GRXCR1: variants seen among roughly 807,000 people sequenced by gnomAD.
GRXCR1 encodes the protein glutaredoxin domain-containing cysteine-rich protein 1.
A neutral mutation model predicts 27.3 loss-of-function variants in GRXCR1; 27 were observed. The observed-to-expected ratio is 0.99, with a 90% CI of 0.73 to 1.37. The LOEUF is 1.37. GRXCR1 is among the 40% of genes most tolerant of loss of function. The pLI, the probability that GRXCR1 is intolerant of heterozygous loss-of-function variation, is 0.00. For missense variants in GRXCR1, 379 were observed against 354.4 expected (o/e 1.07, Z -0.56); for synonymous variants, 122 against 131.1 (o/e 0.93, Z 0.47).
In GRXCR1 at chr4:43,014,447, G is replaced by T. The variant is rs150492482; in HGVS notation, c.628-5907G>T. ...GCAGGCATCATGCTAGGTGCGGGTC[G>T]AACTCCTTCAATGCCAGCCCTGCCA... is the stretch of plus-strand genomic sequence containing the variant. On this transcript the variant is annotated intron_variant, in intron 2 of 3. Coordinates refer to ENST00000399770, the MANE Select transcript of GRXCR1 (RefSeq NM_001080476.3). Among the ~76,000 whole-genome samples, 10 of 152,132 alleles carry T rather than the reference G, an allele frequency of 6.6e-5. No homozygotes were observed. In the South Asian group the frequency reaches 2.1e-3, roughly 32 times the overall value.
chr4:42,941,315 A>G (rs1183614040), intron 1 of GRXCR1, among the ~76,000 whole-genome samples: 2 of 152,072 alleles, frequency 1.3e-5, no homozygotes, highest in East Asian at 3.9e-4. Context: ...AGTTAAAACC[A>G]GAAGGTACTG....
rs892249278 is a variant in GRXCR1 at position 42,937,182 on chromosome 4, A to C, written c.385-25710A>C. 8.6e-5 allele frequency among the ~76,000 whole-genome samples: 13 copies of C among 151,942 alleles called. 1 individual carries two copies. The highest frequency in any genetic ancestry group is 2.7e-4 in the African/African-American group (11 of 41,410). On this transcript the variant is annotated intron_variant, in intron 1 of 3. Coordinates refer to ENST00000399770, the MANE Select transcript of GRXCR1 (RefSeq NM_001080476.3). Reference sequence around the variant, plus strand: ...ATTTATTTTATAATTTGATTATATAATCTAATACCACTTTATTTTGTTGCT... The same window carrying C: ...ATTTATTTTATAATTTGATTATATACTCTAATACCACTTTATTTTGTTGCT...
intron 1 of GRXCR1, among the ~76,000 whole-genome samples, chr4:42,927,766 G>T (rs1190241133): frequency 6.6e-6 from 1 of 151,936 alleles, no homozygotes; most frequent in Non-Finnish European, 1.5e-5. Context: ...AAATAGAGTA[G>T]AAATATGGGA....
intron 2 of GRXCR1, among the ~76,000 whole-genome samples, chr4:42,983,685 C>T (rs1187267312): frequency 1.3e-5 from 2 of 152,040 alleles, no homozygotes; most frequent in African/African-American, 4.8e-5. Context: ...TTCTCTTTCT[C>T]CTTCTTAAAG....
chr4:42,946,115 T>G (rs544853684), intron 1 of GRXCR1, among the ~76,000 whole-genome samples: 4 of 152,268 alleles, frequency 2.6e-5, no homozygotes, highest in Non-Finnish European at 4.4e-5. Flanking sequence ...AGGCAAGAGC[T>G]ATAAAATTAT....
intron 2 of GRXCR1, among the ~76,000 whole-genome samples, chr4:42,984,010 A>G (rs1171715137): frequency 6.6e-6 from 1 of 150,866 alleles, no homozygotes; most frequent in African/African-American, 2.4e-5. Context: ...TAATTTTTGT[A>G]CCTTTAGTAG....
intron 2 of GRXCR1, among the ~76,000 whole-genome samples, chr4:43,013,256 TC>T (rs1413782385): frequency 6.6e-6 from 1 of 152,036 alleles, no homozygotes; most frequent in Admixed American, 6.6e-5. Flanking sequence ...AAACATGAAA[TC>T]AACATAGATG....
intron 1 of GRXCR1, among the ~76,000 whole-genome samples, chr4:42,925,462 A>C (rs528716176): frequency 2.4e-4 from 36 of 152,164 alleles, no homozygotes; most frequent in Non-Finnish European, 4.3e-4. Flanking sequence ...CATTTTAAGA[A>C]TAAATTGCAG....
intron 3 of GRXCR1, among the ~76,000 whole-genome samples, chr4:43,025,290 G>T (rs917045081): frequency 1.3e-5 from 2 of 152,134 alleles, no homozygotes; most frequent in African/African-American, 2.4e-5. Context: ...AAGACTCAGG[G>T]GTGAGGCTGA....
intron 2 of GRXCR1, among the ~76,000 whole-genome samples, chr4:42,968,777 T>C (rs760594020): frequency 1.3e-5 from 2 of 152,130 alleles, no homozygotes; most frequent in Non-Finnish European, 2.9e-5. Flanking sequence ...CAAAGAGTTT[T>C]TTTTTATTTT....
At chr4:42,963,239 G>GT in intron 2 of GRXCR1, 105 bp downstream of exon 2, 1 of 1,367,552 alleles carries the variant, frequency 7.3e-7, no homozygotes, top group Non-Finnish European at 1.0e-6. Context: ...AACACTTGCT[G>GT]GTTTTTTTGG....
intron 2 of GRXCR1, among the ~76,000 whole-genome samples, chr4:42,976,574 A>T (rs1748527943): frequency 6.6e-6 from 1 of 152,012 alleles, no homozygotes; most frequent in African/African-American, 2.4e-5. Context: ...ATACAACTTT[A>T]GTGTACACCA....
chr4:43,007,128 A>T (rs951886237), intron 2 of GRXCR1, among the ~76,000 whole-genome samples: 3 of 152,210 alleles, frequency 2.0e-5, no homozygotes, highest in African/African-American at 4.8e-5. Flanking sequence ...TTAGGAAAAT[A>T]AGTTAATTAG....
At chr4:42,930,601 ACT>A (rs1747283567) in intron 1 of GRXCR1, among the ~76,000 whole-genome samples, 1 of 151,722 alleles carries the variant, frequency 6.6e-6, no homozygotes, top group Non-Finnish European at 1.5e-5. Flanking sequence ...TAAAATAGAG[ACT>A]CTTTTTTAAA....
Position 42,893,386 on chromosome 4 carries a change from C to T in GRXCR1, c.120C>T (p.Gly40=). ...KEVYEDGQPS[G]SLDSECASIC... ...TGTATGAAGATGGGCAACCGTCAGG[C>T]TCTCTGGATTCTGAATGTGCCAGTA... The change falls in exon 1 of 4, where the codon GGC becomes GGT. Residue 40 remains glycine (G), a synonymous_variant. Coordinates refer to ENST00000399770, the MANE Select transcript of GRXCR1 (RefSeq NM_001080476.3). 1 of 1,613,822 alleles carries T rather than the reference C, an allele frequency of 6.2e-7. No homozygotes were observed. The highest frequency in any genetic ancestry group is 1.7e-4 in the Middle Eastern group (1 of 6,056).
chr4:43,004,577 A>G (rs1376983767), intron 2 of GRXCR1, among the ~76,000 whole-genome samples: 1 of 152,202 alleles, frequency 6.6e-6, no homozygotes, highest in African/African-American at 2.4e-5. Flanking sequence ...GAACTGCTCA[A>G]GACCTTGGGA....
chr4:42,964,275 C>T (rs1045197269), intron 2 of GRXCR1, among the ~76,000 whole-genome samples: 2 of 152,008 alleles, frequency 1.3e-5, no homozygotes, highest in African/African-American at 2.4e-5. Context: ...CTCTACTGCA[C>T]TCACAGCTTT....
chr4:42,955,894 C>T (rs774729708), intron 1 of GRXCR1, among the ~76,000 whole-genome samples: 1 of 151,972 alleles, frequency 6.6e-6, no homozygotes, highest in Non-Finnish European at 1.5e-5. Context: ...TTTGCATCTG[C>T]CTGAGGAGCT....
chr4:42,956,680 T>A (rs1404358038), intron 1 of GRXCR1, among the ~76,000 whole-genome samples: 1 of 152,124 alleles, frequency 6.6e-6, no homozygotes, highest in African/African-American at 2.4e-5. Context: ...CTCAGTCTCC[T>A]GAGCAAGGGA....
Sources: gnomAD v4.1 joint callset for allele counts (sites outside exome capture counted in the v4.1 genomes callset) on GRCh38, gnomAD v4.1.1 for gene constraint, MANE v1.5 for transcripts, NCBI Gene and HGNC (gene_info 2026-07-23, HGNC 2026-07-21) for gene names.